Variants in DNAH14 observed in about 807,000 individuals in gnomAD.
DNAH14 encodes axonemal beta dynein heavy chain 14.
In DNAH14, 478 loss-of-function variants were observed where a neutral mutation model predicts 520.9. The ratio of observed to expected loss-of-function variants is 0.92; its 90% CI spans 0.85 to 0.99. DNAH14 has a LOEUF of 0.99. DNAH14 is among the 50% of genes least tolerant of loss of function. The probability of loss-of-function intolerance (pLI) is 0.00; values close to 1 mark genes in which losing one functional copy is unlikely to be tolerated. For missense variants in DNAH14, 4,831 were observed against 5,234.5 expected, an observed-to-expected ratio of 0.92 and a Z score of 2.38; for synonymous variants, 1,581 against 1,757.2, an observed-to-expected ratio of 0.90 and a Z score of 2.51.
intron 23 of DNAH14, among the ~76,000 whole-genome samples, chr1:225,116,029 G>A (rs1178695589): frequency 6.6e-6 from 1 of 152,180 alleles, no homozygotes; most frequent in African/African-American, 2.4e-5. Flanking sequence ...GTGTTAAATA[G>A]ATAAAAGAGT....
chr1:225,054,648 T>C (rs1233295914), intron 17 of DNAH14, among the ~76,000 whole-genome samples: 2 of 152,184 alleles, frequency 1.3e-5, no homozygotes, highest in Non-Finnish European at 2.9e-5. Context: ...TGGTGGTTTT[T>C]CCTACATATA....
intron 78 of DNAH14, among the ~76,000 whole-genome samples, chr1:225,376,933 A>T (rs2095708268): frequency 6.6e-6 from 1 of 151,324 alleles, no homozygotes. Flanking sequence ...TGCATTCATT[A>T]TCTATGGGTG....
intron 23 of DNAH14, among the ~76,000 whole-genome samples, chr1:225,110,226 A>G (rs1573172287): frequency 1.3e-5 from 2 of 151,904 alleles, no homozygotes; most frequent in Admixed American, 6.6e-5. Context: ...TCCTTTCTCT[A>G]TTTTTTGGAA....
At chr1:225,355,534 G>T (rs1219918975) in intron 73 of DNAH14, among the ~76,000 whole-genome samples, 1 of 152,152 alleles carries the variant, frequency 6.6e-6, no homozygotes, top group Middle Eastern at 3.4e-3. Context: ...CTCTCCTAAG[G>T]CTCCACCTCT....
rs1359689290 is a variant in DNAH14, at chr1:225,389,722, G to A, written c.13191-12G>A. 6.4e-7 allele frequency: 1 copy of A among 1,551,780 alleles called. No individual in the cohort carries two copies. The highest frequency in any genetic ancestry group is 2.0e-5 in the Admixed American group (1 of 50,964). ...GCCCTTAACCCCCAACCTGTGGTCTGCCTTCCACTAGGTATATGAGATTTG... is the reference window on the plus strand; with the variant it reads ...GCCCTTAACCCCCAACCTGTGGTCTACCTTCCACTAGGTATATGAGATTTG... On this transcript the variant is annotated splice_polypyrimidine_tract_variant and intron_variant, in intron 82 of 85. Transcript: ENST00000682510.
At chr1:225,337,116 T>G (rs923238275) in intron 66 of DNAH14, 150 bp from the exon 67 acceptor site, 1 of 684,848 alleles carries the variant, frequency 1.5e-6, no homozygotes, top group Admixed American at 3.1e-5. Flanking sequence ...CATATCTAAG[T>G]TGCTTTAAAC....
chr1:225,052,984 T>C (rs1230667551), intron 17 of DNAH14, among the ~76,000 whole-genome samples: 3 of 152,162 alleles, frequency 2.0e-5, no homozygotes, highest in Non-Finnish European at 4.4e-5. Context: ...CTGGTTATCA[T>C]ATCCTCATTC....
At chr1:224,941,990 G>C (rs2059451435) in intron 1 of DNAH14, among the ~76,000 whole-genome samples, 1 of 152,128 alleles carries the variant, frequency 6.6e-6, no homozygotes, top group African/African-American at 2.4e-5. Flanking sequence ...TAACAATGCG[G>C]GCTCTTTTTT....
intron 60 of DNAH14, among the ~76,000 whole-genome samples, chr1:225,312,211 G>A (rs947966807): frequency 3.3e-5 from 5 of 152,078 alleles, no homozygotes; most frequent in African/African-American, 9.7e-5. Flanking sequence ...TGTAGCAATG[G>A]TGAATGGGAG....
At chr1:225,079,186 T>A (rs2072803951) in intron 17 of DNAH14, 21 bp from the exon 18 acceptor site, 1 of 1,517,934 alleles carries the variant, frequency 6.6e-7, no homozygotes, top group Non-Finnish European at 8.8e-7. Flanking sequence ...TACACAATTA[T>A]AATTGACATG....
intron 17 of DNAH14, among the ~76,000 whole-genome samples, chr1:225,057,160 A>G (rs1297331907): frequency 6.6e-6 from 1 of 152,230 alleles, no homozygotes; most frequent in East Asian, 1.9e-4. Flanking sequence ...CTTCCTACCC[A>G]TGAGCATGGA....
chr1:225,320,319 C>T (rs2094536063), intron 61 of DNAH14, among the ~76,000 whole-genome samples: 1 of 152,100 alleles, frequency 6.6e-6, no homozygotes, highest in African/African-American at 2.4e-5. Context: ...TGGCATAAGG[C>T]AAATGCTCAA....
intron 36 of DNAH14, among the ~76,000 whole-genome samples, chr1:225,176,573 C>T (rs767081612): frequency 8.3e-6 from 1 of 119,866 alleles, no homozygotes; most frequent in Non-Finnish European, 1.8e-5. Flanking sequence ...TATGGTTTGG[C>T]TGTGTCCCCA....
rs370187831 is a variant in DNAH14 at position 224,967,473 on chromosome 1, C to T, written c.541C>T (p.Arg181Trp). 128 of 1,573,930 alleles carry T rather than the reference C, an allele frequency of 8.1e-5. No individual in the cohort carries two copies. Among genetic ancestry groups the T allele is most frequent in the Admixed American group, 1.5e-4 (8 of 53,616 alleles). ...TGGAGAATTTGTTTATTGCCTTCCTCGGAAAAGTCCTAAATCCCTTTACAA... is the reference window on the plus strand; with the variant it reads ...TGGAGAATTTGTTTATTGCCTTCCTTGGAAAAGTCCTAAATCCCTTTACAA... Reference protein sequence around the residue: ...DDGEFVYCLPRKSPKSLYNPY... With the variant: ...DDGEFVYCLPWKSPKSLYNPY... The change falls in exon 6 of 86, where the codon CGG becomes TGG. Residue 181 changes from arginine (R) to tryptophan (W), a missense_variant. Coordinates refer to ENST00000682510, the MANE Select transcript of DNAH14 (RefSeq NM_001367479.1).
At chr1:225,304,587 TA>T (rs1283531138) in intron 57 of DNAH14, among the ~76,000 whole-genome samples, 5 of 152,076 alleles carry the variant, frequency 3.3e-5, no homozygotes, top group Admixed American at 6.6e-5. Context: ...AATTTAAAGA[TA>T]AAGAAAACAT....
chr1:225,006,581 C>T (rs2147847919), intron 9 of DNAH14, among the ~76,000 whole-genome samples: 1 of 152,298 alleles, frequency 6.6e-6, no homozygotes, highest in South Asian at 2.1e-4. Flanking sequence ...TGGTCTCCTG[C>T]AGCGCCCTCA....
intron 26 of DNAH14, among the ~76,000 whole-genome samples, chr1:225,121,300 A>G (rs1461979613): frequency 6.6e-6 from 1 of 152,148 alleles, no homozygotes; most frequent in African/African-American, 2.4e-5. Context: ...CGAAACATAC[A>G]TTATTATTAA....
chr1:225,310,211 C>T (rs2094334373), intron 60 of DNAH14, among the ~76,000 whole-genome samples: 1 of 151,436 alleles, frequency 6.6e-6, no homozygotes, highest in African/African-American at 2.4e-5. Flanking sequence ...TTTTGCCATA[C>T]CACAAAGGAT....
At chr1:224,954,768 G>T (rs541808456) in intron 2 of DNAH14, among the ~76,000 whole-genome samples, 191 bp from the exon 3 acceptor site, 1 of 152,092 alleles carries the variant, frequency 6.6e-6, no homozygotes, top group African/African-American at 2.4e-5. Flanking sequence ...TGAGTGAATA[G>T]ATATTATATT....
Sources: gnomAD v4.1 joint callset for allele counts (sites outside exome capture counted in the v4.1 genomes callset) on GRCh38, gnomAD v4.1.1 for gene constraint, MANE v1.5 for transcripts, NCBI Gene and HGNC (gene_info 2026-07-23, HGNC 2026-07-21) for gene names.